Variants in STK3 observed in about 807,000 individuals in gnomAD.
STK3 encodes the protein serine/threonine kinase 3.
STK3 carries 41 observed loss-of-function variants against 58.0 expected under a neutral mutation model. The ratio of observed to expected loss-of-function variants is 0.71; its 90% CI spans 0.55 to 0.92. The LOEUF (loss-of-function observed/expected upper bound fraction) is 0.92. Among genes scored for constraint, STK3 ranks in the 40% least tolerant of loss-of-function variants. STK3 has a pLI of 0.00. For missense variants in STK3, 479 were observed against 602.7 expected (o/e 0.79, Z 2.15); for synonymous variants, 170 against 191.0 (o/e 0.89, Z 0.91).
chr8:98,678,925 C>T (rs1823418652), intron 6 of STK3, among the ~76,000 whole-genome samples: 1 of 152,108 alleles, frequency 6.6e-6, no homozygotes, highest in South Asian at 2.1e-4. Context: ...CCATTTCTGC[C>T]TTCCTGCTTA....
chr8:98,579,568 T>C, intron 8 of STK3, 96 bp downstream of exon 8: 2 of 1,401,924 alleles, frequency 1.4e-6, no homozygotes, highest in Non-Finnish European at 1.9e-6. Context: ...ATCTTACTTG[T>C]ATAGTAAAAC....
chr8:98,638,760 T>C (rs970291578), intron 6 of STK3, among the ~76,000 whole-genome samples: 1 of 151,998 alleles, frequency 6.6e-6, no homozygotes, highest in South Asian at 2.1e-4. Flanking sequence ...CAGGCAGCAG[T>C]GGGGTCAGAG....
chr8:98,383,587 A>G (rs1240692364), intron 1 of STK3, among the ~76,000 whole-genome samples: 1 of 152,192 alleles, frequency 6.6e-6, no homozygotes, highest in Non-Finnish European at 1.5e-5. Flanking sequence ...AAATTTGGGT[A>G]ACTAGTTAAA....
chr8:98,800,550 C>A lies in STK3; in HGVS notation c.26+24965G>T, dbSNP rs1833467087. On this transcript the variant is annotated intron_variant, in intron 1 of 10. Transcript: ENST00000419617. This position sits in a 1 kb window ranked among gnomAD's most constrained non-coding sequence, Gnocchi z 4.8. ...GAGCCCCTCTCTGGGCTGGCCAAGG[C>A]CGGAGCCGGCTCCCTCTGCTTGCGG... Among the ~76,000 whole-genome samples the A allele has an allele frequency of 1.3e-5, 2 of 152,234 alleles. No individual in the cohort carries two copies. The highest frequency in any genetic ancestry group is 2.9e-5 in the Non-Finnish European group (2 of 68,038).
At chr8:98,918,573 C>T (rs1839431200) in intron 1 of STK3, among the ~76,000 whole-genome samples, 2 of 151,986 alleles carry the variant, frequency 1.3e-5, no homozygotes, top group African/African-American at 2.4e-5. Flanking sequence ...AGTTTGAGAC[C>T]AGCCTGAGCA....
At chr8:98,378,545 G>T (rs1370051503) in intron 2 of STK3, among the ~76,000 whole-genome samples, 2 of 152,194 alleles carry the variant, frequency 1.3e-5, no homozygotes, top group African/African-American at 4.8e-5. Context: ...TAAAAGAATA[G>T]TATTTGGATT....
chr8:98,614,873 T>G (rs112323184), intron 6 of STK3, among the ~76,000 whole-genome samples: 2,748 of 152,198 alleles, frequency 0.018, 75 homozygotes, highest in African/African-American at 0.063. Context: ...AGGCGGCAGC[T>G]AGGCTGGGGG....
chr8:98,418,604 A>G (rs925648220), intron 3 of STK3, among the ~76,000 whole-genome samples: 1 of 152,146 alleles, frequency 6.6e-6, no homozygotes, highest in African/African-American at 2.4e-5. Context: ...GGAGCTTGGA[A>G]TGTGTCCTAG....
chr8:98,350,166 T>A, the STK3 span, among the ~76,000 whole-genome samples: 1 of 152,210 alleles, frequency 6.6e-6, no homozygotes, highest in Non-Finnish European at 1.5e-5. Flanking sequence ...AGAAATTTCT[T>A]CTGCCAGATA....
At chr8:98,880,298 A>G (rs1465021577), downstream of STK3, 2 of 152,154 alleles carry the variant, frequency 1.3e-5, no homozygotes, top group Non-Finnish European at 2.9e-5. Flanking sequence ...GCAAGTAATA[A>G]TTCATTAGCC....
At chr8:98,925,901 A>G (rs887001845) in intron 1 of STK3, among the ~76,000 whole-genome samples, 3 of 152,240 alleles carry the variant, frequency 2.0e-5, no homozygotes, top group East Asian at 1.9e-4. Flanking sequence ...GAATGACCAC[A>G]TAAATCACAG....
chr8:98,587,078 T>C (rs1314433594), intron 7 of STK3, among the ~76,000 whole-genome samples: 3 of 150,276 alleles, frequency 2.0e-5, no homozygotes, highest in African/African-American at 7.4e-5. Context: ...TTTGAAGGGT[T>C]TTTTGTGTCT....
At chr8:98,906,989 T>TAAAAAAAAAAAAAAAAAAAAAAAAAAA (rs3085954) in intron 1 of STK3, among the ~76,000 whole-genome samples, 4 of 94,782 alleles carry the variant, frequency 4.2e-5, no homozygotes, top group African/African-American at 1.3e-4. Context: ...TCTCTACCAA[T>TAAAAAAAAAAAAAAAAAAAAAAAAAAA]AAAAAAAAAA....
intron 2 of STK3, among the ~76,000 whole-genome samples, chr8:98,375,271 C>CAAAAAAAAAAAAAAA (rs10659549): frequency 7.2e-6 from 1 of 138,290 alleles, no homozygotes; most frequent in Non-Finnish European, 1.6e-5. Flanking sequence ...AAAAAAAAAA[C>CAAAAAAAAAAAAAAA]AAAAAAAAAC....
At chr8:98,709,079 G>A (rs11774463) in intron 4 of STK3, among the ~76,000 whole-genome samples, 34,872 of 151,894 alleles carry the variant, frequency 0.23, 4,913 homozygotes, top group East Asian at 0.42. Context: ...AATCAATCAT[G>A]CCTATGTAAC....
intron 4 of STK3, among the ~76,000 whole-genome samples, chr8:98,747,203 CATAAATATATGA>C (rs1172055526): frequency 6.7e-5 from 10 of 150,098 alleles, no homozygotes. Flanking sequence ...CAATAAAAAG[CATAAATATATGA>C]GTAAATATAA....
At chr8:98,581,668 G>C (rs2131737239) in intron 7 of STK3, among the ~76,000 whole-genome samples, 1 of 151,276 alleles carries the variant, frequency 6.6e-6, no homozygotes, top group East Asian at 2.0e-4. Context: ...GAAAGAGCAG[G>C]TTTTTATTTC....
intron 1 of STK3, among the ~76,000 whole-genome samples, chr8:98,797,536 A>C (rs952825524): frequency 1.3e-5 from 2 of 152,224 alleles, no homozygotes; most frequent in Non-Finnish European, 2.9e-5. Flanking sequence ...GAGAGAAAGT[A>C]AGATAACTGA....
intron 1 of STK3, among the ~76,000 whole-genome samples, chr8:98,387,689 G>A (rs1233820962): frequency 2.6e-5 from 4 of 152,028 alleles, no homozygotes; most frequent in African/African-American, 9.7e-5. Context: ...CAGAGGTTGT[G>A]GAGATTGTGC....
Sources: gnomAD v4.1 joint callset for allele counts (sites outside exome capture counted in the v4.1 genomes callset) on GRCh38, gnomAD v4.1.1 for gene constraint, Gnocchi (gnomAD v3.1) non-coding constraint, MANE v1.5 for transcripts, NCBI Gene and HGNC (gene_info 2026-07-23, HGNC 2026-07-21) for gene names.